CNTLN: variants seen among roughly 807,000 people sequenced by gnomAD.
CNTLN encodes centlein, centrosomal protein.
Under a neutral mutation model 180.0 loss-of-function variants are expected in CNTLN, and 212 were observed. The ratio of observed to expected loss-of-function variants is 1.18; its 90% CI spans 1.05 to 1.32. The LOEUF (loss-of-function observed/expected upper bound fraction) is 1.32. CNTLN is among the 40% of genes most tolerant of loss of function. The probability of loss-of-function intolerance (pLI) is 0.00; values close to 1 mark genes in which losing one functional copy is unlikely to be tolerated. For synonymous variants in CNTLN, 722 were observed against 563.1 expected (o/e 1.28, Z -3.99); for missense variants, 2,095 against 1,610.9 (o/e 1.30, Z -5.14).
At chr9:17,396,206 C>G (rs1826508814) in intron 15 of CNTLN, among the ~76,000 whole-genome samples, 1 of 152,186 alleles carries the variant, frequency 6.6e-6, no homozygotes, top group Non-Finnish European at 1.5e-5. Flanking sequence ...CAGCACCCCT[C>G]AGGGCTACTC....
chr9:17,520,075 A>G, the CNTLN span, among the ~76,000 whole-genome samples: 1 of 152,234 alleles, frequency 6.6e-6, no homozygotes, highest in Non-Finnish European at 1.5e-5. Context: ...CCCTCATTCA[A>G]ATATTTATTT....
intron 2 of CNTLN, among the ~76,000 whole-genome samples, chr9:17,155,229 C>T (rs558641925): frequency 2.6e-5 from 4 of 152,196 alleles, no homozygotes; most frequent in Non-Finnish European, 2.9e-5. Context: ...CAGCTTCATT[C>T]GTGAAGTCAG....
intron 7 of CNTLN, among the ~76,000 whole-genome samples, chr9:17,302,506 CT>C (rs1001108697): frequency 6.6e-6 from 1 of 152,060 alleles, no homozygotes; most frequent in Non-Finnish European, 1.5e-5. Context: ...GCCCAATTCA[CT>C]TTTAATTAGT....
chr9:17,414,050 C>A (rs117225039), intron 16 of CNTLN, among the ~76,000 whole-genome samples: 1 of 152,282 alleles, frequency 6.6e-6, no homozygotes, highest in South Asian at 2.1e-4. Flanking sequence ...TAACTATTGA[C>A]GTATACAATG....
chr9:17,192,802 T>C (rs961855019), intron 2 of CNTLN, among the ~76,000 whole-genome samples: 8 of 152,312 alleles, frequency 5.3e-5, no homozygotes, highest in African/African-American at 1.4e-4. Flanking sequence ...CCTAGACTTA[T>C]TAAAATCTTC....
intron 8 of CNTLN, among the ~76,000 whole-genome samples, chr9:17,327,787 C>A (rs1194442254): frequency 1.3e-5 from 2 of 151,960 alleles, no homozygotes; most frequent in Non-Finnish European, 2.9e-5. Flanking sequence ...AACCCCTTCT[C>A]TACTAAAAAT....
chr9:17,201,559 C>A (rs982161250), intron 2 of CNTLN, among the ~76,000 whole-genome samples: 3 of 152,060 alleles, frequency 2.0e-5, no homozygotes, highest in Non-Finnish European at 4.4e-5. Flanking sequence ...CTGGTTTAGT[C>A]TTGGGAGGAT....
intron 12 of CNTLN, among the ~76,000 whole-genome samples, chr9:17,348,685 C>T (rs1185466586): frequency 3.9e-5 from 6 of 152,004 alleles, no homozygotes; most frequent in African/African-American, 1.4e-4. Flanking sequence ...CATGCGTCAC[C>T]ACGCGGGGCA....
At chr9:17,418,819 T>C (rs1269361664) in intron 18 of CNTLN, among the ~76,000 whole-genome samples, 1 of 152,040 alleles carries the variant, frequency 6.6e-6, no homozygotes, top group Non-Finnish European at 1.5e-5. Flanking sequence ...ACTAAAGATA[T>C]TACTTTACAC....
intron 7 of CNTLN, chr9:17,301,850 A>T (rs1818378508): frequency 1.0e-6 from 1 of 975,330 alleles, no homozygotes; most frequent in African/African-American, 1.8e-5. Flanking sequence ...AACATTTTGA[A>T]TATTTCACTT....
downstream of CNTLN, among the ~76,000 whole-genome samples, chr9:17,507,480 A>G (rs1347591231): frequency 6.6e-6 from 1 of 152,184 alleles, no homozygotes; most frequent in African/African-American, 2.4e-5. Flanking sequence ...TTTTAATAGA[A>G]TGATTTACTT....
intron 9 of CNTLN, among the ~76,000 whole-genome samples, chr9:17,331,295 G>T (rs987212411): frequency 5.3e-5 from 8 of 151,550 alleles, no homozygotes; most frequent in African/African-American, 1.9e-4. Context: ...TATTTTTATA[G>T]ATTTAAAGGG....
the CNTLN span, among the ~76,000 whole-genome samples, chr9:17,518,728 C>T: frequency 6.6e-6 from 1 of 152,122 alleles, no homozygotes; most frequent in African/African-American, 2.4e-5. Flanking sequence ...CATGTATCAC[C>T]TTCCAGTAGA....
chr9:17,298,451 A>G (rs1818108945), intron 7 of CNTLN, 99 bp downstream of exon 7: 3 of 1,355,070 alleles, frequency 2.2e-6, no homozygotes, highest in African/African-American at 1.5e-5. Context: ...TTTAATTTTT[A>G]CTTCCTTTTA....
chr9:17,205,937 T>C (rs958431229), intron 2 of CNTLN, among the ~76,000 whole-genome samples: 2 of 152,184 alleles, frequency 1.3e-5, no homozygotes, highest in Non-Finnish European at 2.9e-5. Context: ...TGTTCAAGCC[T>C]TGCAATGAGA....
At chr9:17,159,831 GT>G (rs1819554688) in intron 2 of CNTLN, among the ~76,000 whole-genome samples, 1 of 152,138 alleles carries the variant, frequency 6.6e-6, no homozygotes, top group South Asian at 2.1e-4. Flanking sequence ...TTGGATAGAT[GT>G]TTCTTCATTT....
At chr9:17,437,185 C>G (rs192608710) in intron 18 of CNTLN, among the ~76,000 whole-genome samples, 204 of 152,306 alleles carry the variant, frequency 1.3e-3, no homozygotes, top group African/African-American at 4.5e-3. Context: ...ACGTGACTGT[C>G]TTATTCCTAT....
At chr9:17,149,625 C>A (rs1417559705) in intron 2 of CNTLN, among the ~76,000 whole-genome samples, 1 of 148,094 alleles carries the variant, frequency 6.8e-6, no homozygotes, top group African/African-American at 2.5e-5. Flanking sequence ...TCATGCCATT[C>A]TCCTGCCTCA....
intron 5 of CNTLN, among the ~76,000 whole-genome samples, chr9:17,257,864 A>G (rs2132330987): frequency 7.0e-6 from 1 of 143,640 alleles, no homozygotes; most frequent in East Asian, 2.0e-4. Context: ...TTCATTGTAG[A>G]TTCTGGATAT....
Sources: gnomAD v4.1 joint callset for allele counts (sites outside exome capture counted in the v4.1 genomes callset) on GRCh38, gnomAD v4.1.1 for gene constraint, MANE v1.5 for transcripts, NCBI Gene and HGNC (gene_info 2026-07-23, HGNC 2026-07-21) for gene names.